The following ERC1 variants were observed in gnomAD, a reference collection of about 807,000 sequenced individuals.
ERC1 encodes ELKS/RAB6-interacting/CAST family member 1.
ERC1 carries 56 observed loss-of-function variants against 132.0 expected under a neutral mutation model. The ratio of observed to expected loss-of-function variants is 0.42; its 90% CI spans 0.34 to 0.53. The LOEUF is 0.53. ERC1 is among the 20% of genes least tolerant of loss of function. ERC1 has a pLI of 0.03. For synonymous variants in ERC1, 478 were observed against 476.1 expected (o/e 1.00, Z -0.05); for missense variants, 1,202 against 1,349.9 (o/e 0.89, Z 1.72).
intron 15 of ERC1, among the ~76,000 whole-genome samples, chr12:1,337,126 A>T (rs1033540685): frequency 6.6e-6 from 1 of 151,970 alleles, no homozygotes; most frequent in African/African-American, 2.4e-5. Context: ...TTAATCTTTG[A>T]TCTAATACTG....
Position 1,494,270 on chromosome 12 carries a change from G to A in ERC1, c.*4040G>A, listed in dbSNP as rs1484418124. The A allele has an allele frequency of 4.3e-6, 1 of 232,122 alleles. No homozygotes were observed. The highest frequency in any genetic ancestry group is 8.5e-6 in the Non-Finnish European group (1 of 117,406). The allele number at this position is 232,122 out of a possible 1,614,324, so 14.4% of individuals were successfully genotyped here. ...ATGCAGCAGGCACCCTCTGCAGAGT[G>A]AGGCCGCCCGTCCATCACTGCCAGC... On this transcript the variant is annotated 3_prime_UTR_variant, in exon 19 of 19. Coordinates refer to ENST00000360905, the MANE Select transcript of ERC1 (RefSeq NM_178040.4).
intron 18 of ERC1, among the ~76,000 whole-genome samples, chr12:1,459,221 G>T (rs539323316): frequency 1.3e-5 from 2 of 152,170 alleles, no homozygotes; most frequent in Non-Finnish European, 2.9e-5. Flanking sequence ...TTAATTTAGG[G>T]TCTCCTAGAA....
Position 1,363,543 on chromosome 12 carries a change from CTTTTTTT to C in ERC1, c.2781-8272_2781-8266del, listed in dbSNP as rs34769986. ...ATTCCCTTGTAAGTGTATTTCTTTC[CTTTTTTT>C]TTTTTTTTTTTTTTTTTCTAGAGAC... On this transcript the variant is annotated intron_variant, in intron 15 of 18. Coordinates refer to ENST00000360905, the MANE Select transcript of ERC1 (RefSeq NM_178040.4). Among the ~76,000 whole-genome samples, 67 of 94,332 alleles carry C rather than the reference CTTTTTTT, an allele frequency of 7.1e-4. 1 individual carries two copies. Among genetic ancestry groups the C allele is most frequent in the South Asian group, 3.4e-3 (9 of 2,626 alleles). The allele number at this position is 94,332 out of a possible 152,430, so 61.9% of individuals were successfully genotyped here.
intron 15 of ERC1, among the ~76,000 whole-genome samples, chr12:1,315,557 G>A (rs1435784168): frequency 6.6e-6 from 1 of 151,950 alleles, no homozygotes; most frequent in East Asian, 1.9e-4. Context: ...CACCATGTTG[G>A]CCAGGCTGGT....
At chr12:1,368,108 A>C (rs769018726) in intron 15 of ERC1, among the ~76,000 whole-genome samples, 1 of 151,742 alleles carries the variant, frequency 6.6e-6, no homozygotes, top group Non-Finnish European at 1.5e-5. Context: ...CTCCCTAGGG[A>C]CTCATGGGAA....
rs149232999 is a variant in ERC1 at position 1,281,753 on chromosome 12, AG to A, written c.2620-8098del. On this transcript the variant is annotated intron_variant, in intron 14 of 18. Coordinates refer to ENST00000360905, the MANE Select transcript of ERC1 (RefSeq NM_178040.4). ...AAAATGAAATAATATTCTGCTGAAA[AG>A]ATAGTTTGTTTTCAGGGCATTAATT... Among the ~76,000 whole-genome samples, 52 of 152,326 alleles carry A rather than the reference AG, an allele frequency of 3.4e-4. No homozygotes were observed. In the East Asian group the frequency reaches 7.1e-3, roughly 21 times the overall value.
intron 8 of ERC1, among the ~76,000 whole-genome samples, chr12:1,146,658 TAC>T (rs2154251971): frequency 6.6e-6 from 1 of 151,672 alleles, no homozygotes; most frequent in South Asian, 2.1e-4. Context: ...AGTTCTAGGG[TAC>T]ATGTGCACAA....
At chr12:1,359,876 C>G (rs548679543) in intron 15 of ERC1, among the ~76,000 whole-genome samples, 27 of 152,062 alleles carry the variant, frequency 1.8e-4, no homozygotes, top group African/African-American at 6.3e-4. Context: ...TCTTTAGAGT[C>G]TTCTAACATG....
chr12:1,264,385 G>A (rs117451202), intron 14 of ERC1, among the ~76,000 whole-genome samples: 4,898 of 152,216 alleles, frequency 0.032, 100 homozygotes, highest in Non-Finnish European at 0.047. Context: ...AACCTAGGCC[G>A]AGCGCGGTGG....
intron 15 of ERC1, among the ~76,000 whole-genome samples, chr12:1,300,281 T>C (rs2080287613): frequency 6.6e-6 from 1 of 152,180 alleles, no homozygotes; most frequent in Non-Finnish European, 1.5e-5. Context: ...AGATTAAAAC[T>C]GGACTCTTTC....
rs1471050892 is a variant in ERC1, at chr12:1,069,094, AATT to A, written c.670-14069_670-14067del. On this transcript the variant is annotated intron_variant, in intron 2 of 18. Transcript: ENST00000360905. ...GAGGGTTCTGCTAAGACAGCTTTGT[AATT>A]CACAGCTTTCTTTGAAAATGCTGTA... Among the ~76,000 whole-genome samples the A allele has an allele frequency of 3.3e-5, 5 of 152,332 alleles. No individual in the cohort carries two copies. The East Asian group carries it at 7.7e-4, about 23-fold the overall frequency.
rs141422381 is a variant in ERC1, at chr12:1,442,946, C to T, written c.3025-1616C>T. Among the ~76,000 whole-genome samples, 712 of 152,176 alleles carry T rather than the reference C, an allele frequency of 4.7e-3. 5 individuals are homozygous for T. The highest frequency in any genetic ancestry group is 0.016 in the African/African-American group (680 of 41,516). On this transcript the variant is annotated intron_variant, in intron 17 of 18. Coordinates refer to ENST00000360905, the MANE Select transcript of ERC1 (RefSeq NM_178040.4). ...TTTTTTTGAGACAGTCTCGCTCTAT[C>T]GCTCAGGCTGGAGTGCAGTGGTGTG... is the stretch of plus-strand genomic sequence containing the variant.
intron 12 of ERC1, among the ~76,000 whole-genome samples, chr12:1,199,281 G>T (rs1956664988): frequency 6.6e-6 from 1 of 152,058 alleles, no homozygotes; most frequent in African/African-American, 2.4e-5. Context: ...CCAACACTGG[G>T]GATCACAGTT....
intron 2 of ERC1, among the ~76,000 whole-genome samples, chr12:1,065,480 T>TTGTGTGTGTGTGTGTGTGTGTG (rs71293132): frequency 5.6e-5 from 7 of 125,012 alleles, no homozygotes; most frequent in South Asian, 5.8e-4. Flanking sequence ...TTTGTACCGT[T>TTGTGTGTGTGTGTGTGTGTGTG]TGTGTGTGTG....
intron 1 of ERC1, among the ~76,000 whole-genome samples, chr12:1,002,021 C>T (rs1169845663): frequency 6.6e-6 from 1 of 151,558 alleles, no homozygotes; most frequent in African/African-American, 2.4e-5. Context: ...CCATCACACC[C>T]AGCTGTTTTT....
intron 5 of ERC1, among the ~76,000 whole-genome samples, chr12:1,111,138 G>A (rs1206140957): frequency 6.6e-6 from 1 of 152,034 alleles, no homozygotes; most frequent in Admixed American, 6.5e-5. Context: ...TGCTTCCCAT[G>A]TGCACTTCAG....
intron 8 of ERC1, among the ~76,000 whole-genome samples, chr12:1,171,793 T>A (rs1953093899): frequency 6.6e-6 from 1 of 152,186 alleles, no homozygotes; most frequent in Admixed American, 6.5e-5. Flanking sequence ...GTTTGCCCAG[T>A]GATTTGGGCC....
intron 2 of ERC1, among the ~76,000 whole-genome samples, chr12:1,037,339 T>A (rs907101426): frequency 6.6e-6 from 1 of 152,206 alleles, no homozygotes; most frequent in Non-Finnish European, 1.5e-5. Context: ...GCAGATAGCA[T>A]CTTAAATATA....
intron 3 of ERC1, among the ~76,000 whole-genome samples, chr12:1,093,806 T>G (rs1041768503): frequency 1.3e-5 from 2 of 150,952 alleles, no homozygotes; most frequent in African/African-American, 4.9e-5. Context: ...CTTGTCAGTT[T>G]GTCAGTATTA....
Sources: allele counts gnomAD v4.1 joint callset (sites outside exome capture counted in the v4.1 genomes callset), GRCh38; gene constraint gnomAD v4.1.1; transcripts MANE v1.5; gene names NCBI Gene and HGNC (gene_info 2026-07-23, HGNC 2026-07-21).